The following MPP2 variants were observed in gnomAD, a reference collection of about 807,000 sequenced individuals.
The protein encoded by MPP2 is MAGUK p55 scaffold protein 2, also known as MAGUK p55 subfamily member 2.
A neutral mutation model predicts 58.5 loss-of-function variants in MPP2; 42 were observed. The observed-to-expected ratio is 0.72, with a 90% CI of 0.56 to 0.93. The LOEUF is 0.93. Among genes scored for constraint, MPP2 ranks in the 40% least tolerant of loss-of-function variants. The probability of loss-of-function intolerance (pLI) is 0.00; values close to 1 mark genes in which losing one functional copy is unlikely to be tolerated. For missense variants in MPP2, 632 were observed against 760.4 expected (o/e 0.83, Z 1.99); for synonymous variants, 300 against 307.8 (o/e 0.97, Z 0.26).
At position 43,879,278 on chromosome 17, in the gene MPP2, G is replaced by C; in HGVS notation, c.1479C>G (p.Leu493=). ...ALESGISTKQ[L]TEADLRRTVE... ...CCCCACACCTCAGAGCCCTCACCGT[G>C]AGCTGCTTGGTGGATATTCCACTCT... Residue 493 remains leucine (L), a synonymous_variant, in exon 12 of 13, where the codon CTC becomes CTG. Coordinates refer to ENST00000269095, the MANE Select transcript of MPP2 (RefSeq NM_005374.5). The surrounding 1 kb of genome is among the most constrained non-coding windows in gnomAD (Gnocchi z 4.1). 6.2e-7 allele frequency: 1 copy of C among 1,610,806 alleles called. No individual in the cohort carries two copies. Among genetic ancestry groups the C allele is most frequent in the Non-Finnish European group, 8.5e-7 (1 of 1,177,490 alleles).
Position 43,889,075 on chromosome 17 carries a change from G to A in MPP2, c.151-5720C>T, listed in dbSNP as rs540053056. ...CGAACAGCTGGGACTACAGGCACGC[G>A]CCACCACCCCTGGCTAATTTTTTAT... On this transcript the variant is annotated intron_variant, in intron 3 of 12. Coordinates refer to ENST00000269095, the MANE Select transcript of MPP2 (RefSeq NM_005374.5). Among the ~76,000 whole-genome samples the A allele has an allele frequency of 5.9e-5, 9 of 151,752 alleles. No homozygotes were observed. The East Asian group carries it at 1.2e-3, about 20-fold the overall frequency.
chr17:43,887,730 C>A (rs1236271860), intron 3 of MPP2, among the ~76,000 whole-genome samples: 2 of 151,768 alleles, frequency 1.3e-5, no homozygotes, highest in South Asian at 2.1e-4. Flanking sequence ...TCACTTGAGC[C>A]CAGGAGTTCA....
At chr17:43,894,616 G>GAAAAA (rs36073194) in intron 3 of MPP2, among the ~76,000 whole-genome samples, 1 of 66,082 alleles carries the variant, frequency 1.5e-5, no homozygotes, top group Admixed American at 2.3e-4. Flanking sequence ...GACTCCAGAG[G>GAAAAA]AAAAAAAAAA....
At chr17:43,901,611 TA>T in intron 2 of MPP2, 2 of 983,362 alleles carry the variant, frequency 2.0e-6, no homozygotes, top group Non-Finnish European at 2.4e-6. Flanking sequence ...ACCAGGACAG[TA>T]ACCCAGGGAT....
chr17:43,884,214 T>A, intron 3 of MPP2: 1 of 675,342 alleles, frequency 1.5e-6, no homozygotes, highest in East Asian at 2.7e-5. Flanking sequence ...CACATTCAAA[T>A]GTTCACTCTT....
Position 43,879,024 on chromosome 17 carries a change from C to CG in MPP2, c.1482+250dup, listed in dbSNP as rs1567872242. On this transcript the variant is annotated intron_variant, in intron 12 of 12. Coordinates refer to ENST00000269095, the MANE Select transcript of MPP2 (RefSeq NM_005374.5). The surrounding 1 kb of genome is among the most constrained non-coding windows in gnomAD (Gnocchi z 4.1). ...TCTGTCTCTGCAGAGTGGGCTGAGC[C>CG]GGGGGCCTTGAGTCAGAAGCACATG... 6.6e-6 allele frequency among the ~76,000 whole-genome samples: 1 copy of CG among 152,178 alleles called. No homozygotes were observed.
intron 2 of MPP2, among the ~76,000 whole-genome samples, chr17:43,898,705 C>A (rs2047960317): frequency 6.6e-6 from 1 of 152,234 alleles, no homozygotes; most frequent in African/African-American, 2.4e-5. Flanking sequence ...GGTTGCAGAT[C>A]CTGCCCTGCA....
At chr17:43,906,713 C>T in intron 1 of MPP2, among the ~76,000 whole-genome samples, 1 of 152,106 alleles carries the variant, frequency 6.6e-6, no homozygotes, top group East Asian at 1.9e-4. Flanking sequence ...CGGACCCAGC[C>T]CTAACACCCT....
In MPP2 at chr17:43,882,213, G is replaced by T. The variant is rs555656219; in HGVS notation, c.681+71C>A. ...AAACCAGTAGGAGAGGAGGGCCTCC[G>T]TGAGACCTGCAACCTTGACAGCCAG... On this transcript the variant is annotated intron_variant, in intron 6 of 12. Transcript: ENST00000269095. 208 of 1,413,238 alleles carry T rather than the reference G, an allele frequency of 1.5e-4. No homozygotes were observed. The African/African-American group carries it at 2.7e-3, about 18-fold the overall frequency. 87.5% of individuals were successfully genotyped at this position (1,413,238 alleles called of 1,614,324 possible). A position where few individuals can be genotyped will look rare whatever the true frequency, so the allele number is the denominator to read the frequency against.
intron 3 of MPP2, among the ~76,000 whole-genome samples, chr17:43,885,246 C>T (rs1038783493): frequency 3.9e-5 from 6 of 151,922 alleles, no homozygotes; most frequent in African/African-American, 9.7e-5. Flanking sequence ...TAATCCATTA[C>T]GATCACTATC....
rs2046989270 is a variant in MPP2, at chr17:43,879,285, T to C, written c.1472A>G (p.Lys491Arg). Residue 491 changes from lysine to arginine, a missense_variant, in exon 12 of 13, where the codon AAG (lysine) becomes AGG (arginine). Transcript: ENST00000269095. This position sits in a 1 kb window ranked among gnomAD's most constrained non-coding sequence, Gnocchi z 4.1. The part of the protein sequence containing the change: ...RAALESGIST[K>R]QLTEADLRRT... ...CCTCAGAGCCCTCACCGTGAGCTGCTTGGTGGATATTCCACTCTCCAGCGC... is the reference window on the plus strand; with the variant it reads ...CCTCAGAGCCCTCACCGTGAGCTGCCTGGTGGATATTCCACTCTCCAGCGC... 6.2e-7 allele frequency: 1 copy of C among 1,612,480 alleles called. No individual in the cohort carries two copies. The highest frequency in any genetic ancestry group is 1.3e-5 in the African/African-American group (1 of 74,846).
In MPP2 at chr17:43,881,076, G is replaced by A. The variant is rs546398187; in HGVS notation, c.988+14C>T. The A allele has an allele frequency of 3.1e-5, 50 of 1,613,492 alleles. No homozygotes were observed. In the African/African-American group the frequency reaches 4.5e-4, roughly 15 times the overall value. On this transcript the variant is annotated intron_variant, in intron 9 of 12. Coordinates refer to ENST00000269095, the MANE Select transcript of MPP2 (RefSeq NM_005374.5). ...GTTAGAGGAGGGTAAGGGAGGGGGC[G>A]CTCTGATACCCACCTGCATTCTTGG...
Position 43,880,776 on chromosome 17 carries a change from C to T in MPP2, c.1065G>A (p.Leu355=). The T allele has an allele frequency of 6.2e-7, 1 of 1,614,084 alleles. No individual in the cohort carries two copies. Among genetic ancestry groups the T allele is most frequent in the Non-Finnish European group, 8.5e-7 (1 of 1,179,956 alleles). Residue 355 remains leucine (L), a synonymous_variant, in exon 10 of 13, where the codon CTG becomes CTA. Transcript: ENST00000269095. The surrounding 1 kb of genome is among the most constrained non-coding windows in gnomAD (Gnocchi z 5.2). The part of the protein sequence containing the change: ...MPPFRRKTLV[L]IGAQGVGRRS... ...GCCGTCCCACGCCCTGAGCCCCAAT[C>T]AGTACCAGGGTTTTCCGGCGGAACG...
chr17:43,882,660 A>G (rs2047189702), intron 5 of MPP2, 149 bp from the exon 6 acceptor site: 1 of 870,488 alleles, frequency 1.1e-6, no homozygotes, highest in African/African-American at 2.0e-5. Flanking sequence ...TAAATTCTTC[A>G]CTTACAGCAG....
Position 43,880,570 on chromosome 17 carries a change from T to G in MPP2, c.1150+121A>C. On this transcript the variant is annotated intron_variant, in intron 10 of 12. Coordinates refer to ENST00000269095, the MANE Select transcript of MPP2 (RefSeq NM_005374.5). This position sits in a 1 kb window ranked among gnomAD's most constrained non-coding sequence, Gnocchi z 5.2. ...CACAGAGGGCGTGCACCCCAACCCG[T>G]GTACCCAAAGGTACCACCTGGCCTG... 8.4e-7 allele frequency: 1 copy of G among 1,193,000 alleles called. No homozygotes were observed. Among genetic ancestry groups the G allele is most frequent in the Admixed American group, 2.8e-5 (1 of 36,080 alleles). The allele number at this position is 1,193,000 out of a possible 1,614,324, so 73.9% of individuals were successfully genotyped here. A position where few individuals can be genotyped will look rare whatever the true frequency, so the allele number is the denominator to read the frequency against.
intron 2 of MPP2, among the ~76,000 whole-genome samples, chr17:43,901,961 G>A (rs552604866): frequency 7.2e-5 from 11 of 152,254 alleles, no homozygotes; most frequent in Non-Finnish European, 1.5e-4. Context: ...CCAAGGCAGG[G>A]ATCTCCCAGG....
intron 6 of MPP2, 29 bp downstream of exon 6, chr17:43,882,255 T>C (rs1311791275): frequency 6.3e-7 from 1 of 1,585,828 alleles, no homozygotes; most frequent in Non-Finnish European, 8.6e-7. Context: ...CAGCCATCCC[T>C]TGGGCCTTGT....
chr17:43,884,396 G>A (rs1248784012), intron 3 of MPP2, among the ~76,000 whole-genome samples: 2 of 151,912 alleles, frequency 1.3e-5, no homozygotes, highest in Admixed American at 1.3e-4. Context: ...TTCTGTTTTT[G>A]TTTTGTAGGG....
At chr17:43,881,710 G>T in intron 6 of MPP2, 121 bp from the exon 7 acceptor site, 1 of 1,316,580 alleles carries the variant, frequency 7.6e-7, no homozygotes, top group Non-Finnish European at 1.0e-6. Context: ...CCCCCTGCAG[G>T]AGTGATGCCT....
Sources: gnomAD v4.1 joint callset for allele counts (sites outside exome capture counted in the v4.1 genomes callset) on GRCh38, gnomAD v4.1.1 for gene constraint, Gnocchi (gnomAD v3.1) non-coding constraint, MANE v1.5 for transcripts, NCBI Gene and HGNC (gene_info 2026-07-23, HGNC 2026-07-21) for gene names.